The following MAP4 variants were observed in gnomAD, a reference collection of about 807,000 sequenced individuals.
The protein encoded by MAP4 is microtubule associated protein 4, also known as microtubule-associated protein 4.
A neutral mutation model predicts 170.2 loss-of-function variants in MAP4; 76 were observed. That is an observed-to-expected ratio of 0.45 (90% confidence interval 0.37 to 0.54). The LOEUF is 0.54. MAP4 is among the 20% of genes least tolerant of loss of function. MAP4 has a pLI of 0.00. For missense variants in MAP4, 2,506 were observed against 2,748.0 expected, an observed-to-expected ratio of 0.91 and a Z score of 1.97; for synonymous variants, 909 against 994.5, an observed-to-expected ratio of 0.91 and a Z score of 1.62.
chr3:47,911,547 A>G lies in MAP4; in HGVS notation c.2874T>C (p.Gly958=). The G allele has an allele frequency of 6.5e-7, 1 of 1,536,010 alleles. No homozygotes were observed. The highest frequency in any genetic ancestry group is 8.7e-7 in the Non-Finnish European group (1 of 1,146,878). ...TTGCTGCTGTGGGTTTTGAAACTAC[A>G]CCCATAACCTCTTGGTCCAAGAAAG... is the stretch of plus-strand genomic sequence containing the variant. ...CSPFLDQEVM[G]VVSKPTAAKE... The change falls in exon 9 of 21, where the codon GGT becomes GGC. Residue 958 remains glycine, a synonymous_variant. Transcript: ENST00000683076. The surrounding 1 kb of genome is among the most constrained non-coding windows in gnomAD (Gnocchi z 4.0).
At chr3:48,001,569 G>A (rs2100099162) in intron 1 of MAP4, among the ~76,000 whole-genome samples, 1 of 151,998 alleles carries the variant, frequency 6.6e-6, no homozygotes, top group South Asian at 2.1e-4. Context: ...GCAGAGTCTT[G>A]CCTCACTGCA....
In MAP4 at chr3:47,857,444, G is replaced by C. The variant is rs779331853; in HGVS notation, c.6570C>G (p.Ile2190Met). ...VSSKCGSKANIKHKPGGGDVK... is the reference protein window; with the variant it reads ...VSSKCGSKANMKHKPGGGDVK... ...GGCACCACTCACCAGGCTTGTGCTT[G>C]ATGTTAGCCTTAGACCCACACTTGG... The change falls in exon 18 of 21, where the codon ATC (isoleucine) becomes ATG (methionine). Residue 2190 changes from isoleucine (I) to methionine (M), a missense_variant. This residue lies in a region of MAP4 where 487 missense variants were observed against 511.6 expected (regional missense o/e 0.95). Transcript: ENST00000683076. The C allele has an allele frequency of 6.2e-7, 1 of 1,614,046 alleles. No individual in the cohort carries two copies. The highest frequency in any genetic ancestry group is 1.7e-5 in the Admixed American group (1 of 60,030).
chr3:47,906,975 A>G (rs2100033452), intron 9 of MAP4, among the ~76,000 whole-genome samples: 1 of 151,724 alleles, frequency 6.6e-6, no homozygotes, highest in Non-Finnish European at 1.5e-5. Flanking sequence ...AGCTGGGATT[A>G]CAGGCATGCA....
chr3:48,056,306 T>G (rs1195656502), intron 1 of MAP4, among the ~76,000 whole-genome samples: 12 of 61,434 alleles, frequency 2.0e-4, no homozygotes, highest in Admixed American at 4.5e-4. Flanking sequence ...GTCCGGGAGG[T>G]GAGGGGCGCC....
At chr3:47,920,695 G>A (rs1412394324) in intron 5 of MAP4, among the ~76,000 whole-genome samples, 1 of 152,118 alleles carries the variant, frequency 6.6e-6, no homozygotes, top group Non-Finnish European at 1.5e-5. Context: ...GAGACTACAG[G>A]CATGTGCCAC....
rs1173256669 is a variant in MAP4, at chr3:47,911,046, C to T, written c.3375G>A (p.Lys1125=). 1 of 1,536,178 alleles carries T rather than the reference C, an allele frequency of 6.5e-7. No individual in the cohort carries two copies. Among genetic ancestry groups the T allele is most frequent in the East Asian group, 2.4e-5 (1 of 40,924 alleles). Residue 1125 remains lysine, a synonymous_variant, in exon 9 of 21, where the codon AAG becomes AAA. Transcript: ENST00000683076. This position sits in a 1 kb window ranked among gnomAD's most constrained non-coding sequence, Gnocchi z 4.0. ...TGAGATCAGCCTTAGTGCCTGGTTG[C>T]TTTGAAGAATTCAGCCCCAGCTCCT... ...KSEELGLNSS[K]QPGTKADLTE... is the part of the protein sequence containing the mutation.
chr3:47,874,246 T>C (rs2152347516), intron 12 of MAP4, among the ~76,000 whole-genome samples: 1 of 152,252 alleles, frequency 6.6e-6, no homozygotes, highest in African/African-American at 2.4e-5. Context: ...GGCAGGCGGA[T>C]CACCTGAGGT....
At chr3:47,958,556 GC>G (rs1371077929) in intron 3 of MAP4, among the ~76,000 whole-genome samples, 1 of 151,974 alleles carries the variant, frequency 6.6e-6, no homozygotes, top group Non-Finnish European at 1.5e-5. Flanking sequence ...TCACTCTGTT[GC>G]CCAGGCTGGA....
chr3:47,993,361 G>A (rs1195453854), intron 2 of MAP4, among the ~76,000 whole-genome samples: 2 of 152,132 alleles, frequency 1.3e-5, no homozygotes, highest in East Asian at 1.9e-4. Context: ...TAAAGGAGGA[G>A]ATGATGTTGA....
chr3:48,007,676 CTTTT>C (rs35776561), intron 1 of MAP4, among the ~76,000 whole-genome samples: 5 of 140,338 alleles, frequency 3.6e-5, no homozygotes, highest in Admixed American at 7.1e-5. Flanking sequence ...AACTACTCTC[CTTTT>C]TTTTTTTTTT....
intron 10 of MAP4, among the ~76,000 whole-genome samples, chr3:47,895,448 C>G (rs921410130): frequency 2.0e-5 from 3 of 152,194 alleles, no homozygotes; most frequent in Non-Finnish European, 4.4e-5. Flanking sequence ...ACCTGGGACT[C>G]CACTAGGCAG....
intron 1 of MAP4, among the ~76,000 whole-genome samples, chr3:48,085,380 A>G (rs1278582300): frequency 2.0e-5 from 3 of 152,200 alleles, no homozygotes; most frequent in African/African-American, 7.2e-5. Context: ...AGCCGCCTAT[A>G]TATAAGAAAA....
At chr3:47,904,674 G>T (rs2100031920) in intron 9 of MAP4, among the ~76,000 whole-genome samples, 1 of 146,942 alleles carries the variant, frequency 6.8e-6, no homozygotes, top group Non-Finnish European at 1.5e-5. Flanking sequence ...GAGAGGGGCG[G>T]GGCGGGGGAT....
intron 1 of MAP4, among the ~76,000 whole-genome samples, chr3:48,067,505 T>C (rs1360368309): frequency 6.6e-6 from 1 of 152,158 alleles, no homozygotes; most frequent in Non-Finnish European, 1.5e-5. Flanking sequence ...AATTTTTACA[T>C]GTTTTGTAGA....
In MAP4 at chr3:47,902,673, C is replaced by CAAAAA. The variant is rs3051642; in HGVS notation, c.5434+272_5434+276dup. On this transcript the variant is annotated intron_variant, in intron 10 of 20. Transcript: ENST00000683076. Reference sequence around the variant, plus strand: ...TGGGCGACAGAGGGAGACTCTGTCTCAAAAAAAAAAAAAAAAAAAAAAAAA... The same window carrying CAAAAA: ...TGGGCGACAGAGGGAGACTCTGTCTCAAAAAAAAAAAAAAAAAAAAAAAAAAAAAA... 5.4e-3 allele frequency among the ~76,000 whole-genome samples: 138 copies of CAAAAA among 25,770 alleles called. 15 individuals are homozygous for CAAAAA. Among genetic ancestry groups the CAAAAA allele is most frequent in the East Asian group, 0.021 (16 of 748 alleles). 16.9% of individuals were successfully genotyped at this position (25,770 alleles called of 152,430 possible). A position where few individuals can be genotyped will look rare whatever the true frequency, so the allele number is the denominator to read the frequency against.
At chr3:47,920,544 G>GTT (rs71070241) in intron 5 of MAP4, among the ~76,000 whole-genome samples, 8 of 96,556 alleles carry the variant, frequency 8.3e-5, no homozygotes, top group Admixed American at 2.2e-4. Flanking sequence ...CACCCAGATG[G>GTT]TTTTTTTTTT....
At chr3:48,017,477 CTTT>C (rs1016590856), upstream of MAP4, among the ~76,000 whole-genome samples, 1 of 142,538 alleles carries the variant, frequency 7.0e-6, no homozygotes, top group African/African-American at 2.9e-5. Flanking sequence ...ATGTCTTTTT[CTTT>C]TTTCTTTTTT....
chr3:48,076,551 C>T (rs947007931), intron 1 of MAP4, among the ~76,000 whole-genome samples: 2 of 148,668 alleles, frequency 1.3e-5, no homozygotes, highest in Non-Finnish European at 3.0e-5. Context: ...TCATGGTGCA[C>T]ACCTGTAGTC....
In MAP4 at chr3:47,915,952, T is replaced by G; in HGVS notation, c.1875A>C (p.Pro625=). The part of the protein sequence containing the change: ...QSAAPTFMIS[P]ETVTGTGKKC... ...CTGAGAATAAGCACAAGCACGTACC[T>G]GGTGAAATCATGAAAGTAGGTGCAG... The change falls in exon 7 of 21, where the codon CCA becomes CCC. Residue 625 remains proline (P), a splice_region_variant and synonymous_variant. Coordinates refer to ENST00000683076, the MANE Select transcript of MAP4 (RefSeq NM_001385682.1). 1 of 1,608,102 alleles carries G rather than the reference T, an allele frequency of 6.2e-7. No homozygotes were observed. Among genetic ancestry groups the G allele is most frequent in the Non-Finnish European group, 8.5e-7 (1 of 1,177,118 alleles).
Sources: gnomAD v4.1 joint callset for allele counts (sites outside exome capture counted in the v4.1 genomes callset) on GRCh38, gnomAD v4.1.1 for gene constraint, gnomAD v4.1.1 regional missense constraint, Gnocchi (gnomAD v3.1) non-coding constraint, MANE v1.5 for transcripts, NCBI Gene and HGNC (gene_info 2026-07-23, HGNC 2026-07-21) for gene names.